PPARGC1A: variants seen among roughly 807,000 people sequenced by gnomAD.
The protein encoded by PPARGC1A is PPARG coactivator 1 alpha, also known as peroxisome proliferator-activated receptor gamma coactivator 1-alpha.
In PPARGC1A, 25 loss-of-function variants were observed where a neutral mutation model predicts 88.7. That is an observed-to-expected ratio of 0.28 (90% CI 0.21 to 0.39). The LOEUF (loss-of-function observed/expected upper bound fraction) is 0.39, where lower values mean the gene tolerates loss of function less well. PPARGC1A is among the 10% of genes least tolerant of loss of function. PPARGC1A has a pLI of 1.00. For missense variants in PPARGC1A, 880 were observed against 968.7 expected (o/e 0.91, Z 1.22); for synonymous variants, 363 against 355.6 (o/e 1.02, Z -0.24).
At chr4:24,140,113 G>A in the PPARGC1A span, among the ~76,000 whole-genome samples, 280 of 152,268 alleles carry the variant, frequency 1.8e-3, 2 homozygotes, top group African/African-American at 6.6e-3. Context: ...ACCCGCCTTT[G>A]ATGTCTGCTT....
chr4:23,942,091 A>C, the PPARGC1A span, among the ~76,000 whole-genome samples: 2 of 152,150 alleles, frequency 1.3e-5, no homozygotes, highest in Admixed American at 1.3e-4. Flanking sequence ...AAAAAGAAGA[A>C]AGAGAAGAAT....
upstream of PPARGC1A, among the ~76,000 whole-genome samples, chr4:23,893,376 A>G (rs948522451): frequency 6.6e-6 from 1 of 152,190 alleles, no homozygotes; most frequent in Non-Finnish European, 1.5e-5. Flanking sequence ...AGAGAATAGC[A>G]AAAACAATTG....
chr4:23,848,929 G>A (rs750774045), intron 2 of PPARGC1A, among the ~76,000 whole-genome samples: 7 of 152,058 alleles, frequency 4.6e-5, no homozygotes, highest in Non-Finnish European at 7.4e-5. Context: ...AGATCACGAG[G>A]TCAGGAGATC....
At chr4:24,153,532 C>G in the PPARGC1A span, among the ~76,000 whole-genome samples, 2 of 152,054 alleles carry the variant, frequency 1.3e-5, no homozygotes, top group African/African-American at 4.8e-5. Flanking sequence ...GAGACATATG[C>G]CAGTTGACAA....
At chr4:23,798,096 C>T (rs1717967206) in intron 12 of PPARGC1A, among the ~76,000 whole-genome samples, 2 of 151,922 alleles carry the variant, frequency 1.3e-5, no homozygotes, top group South Asian at 4.2e-4. Context: ...CCCCCTTTTT[C>T]CTTTACCTAC....
At chr4:24,069,355 T>C in the PPARGC1A span, among the ~76,000 whole-genome samples, 2 of 152,190 alleles carry the variant, frequency 1.3e-5, no homozygotes, top group Non-Finnish European at 2.9e-5. Flanking sequence ...GAAATAATAA[T>C]TTCCTATGTC....
chr4:23,844,767 AAT>A (rs1553889254), intron 2 of PPARGC1A, among the ~76,000 whole-genome samples: 10 of 113,096 alleles, frequency 8.8e-5, no homozygotes, highest in African/African-American at 2.0e-4. Context: ...ATATTATAAT[AAT>A]ATATGATATA....
the PPARGC1A span, among the ~76,000 whole-genome samples, chr4:24,245,921 A>ATG: frequency 2.5e-5 from 3 of 120,112 alleles, no homozygotes; most frequent in Non-Finnish European, 5.1e-5. Context: ...CCTGAAAGCC[A>ATG]TGTGCACACA....
the PPARGC1A span, among the ~76,000 whole-genome samples, chr4:24,201,154 C>A: frequency 3.9e-5 from 6 of 152,300 alleles, no homozygotes; most frequent in South Asian, 8.3e-4. Context: ...AACTACATCA[C>A]CATAATGCAC....
At chr4:24,377,085 A>AT in the PPARGC1A span, among the ~76,000 whole-genome samples, 2 of 151,524 alleles carry the variant, frequency 1.3e-5, no homozygotes, top group Admixed American at 6.6e-5. Flanking sequence ...AAATTTGTAG[A>AT]TTTTTTTTCA....
intron 1 of PPARGC1A, among the ~76,000 whole-genome samples, chr4:23,895,442 T>G (rs1718437592): frequency 6.6e-6 from 1 of 151,958 alleles, no homozygotes; most frequent in Admixed American, 6.6e-5. Flanking sequence ...TTGCTCTAGC[T>G]AAACTGATAT....
chr4:23,934,130 A>C, the PPARGC1A span, among the ~76,000 whole-genome samples: 2 of 152,214 alleles, frequency 1.3e-5, no homozygotes, highest in African/African-American at 2.4e-5. Flanking sequence ...GTGGGTGGTG[A>C]CATGGGGAAG....
the PPARGC1A span, among the ~76,000 whole-genome samples, chr4:24,291,230 T>C: frequency 6.6e-6 from 1 of 152,318 alleles, no homozygotes; most frequent in South Asian, 2.1e-4. Context: ...TCCAAACCTC[T>C]GGGCCTGACA....
the PPARGC1A span, among the ~76,000 whole-genome samples, chr4:23,923,127 T>C: frequency 6.6e-6 from 1 of 151,838 alleles, no homozygotes; most frequent in African/African-American, 2.4e-5. Context: ...TTTTTTTTTT[T>C]TTTTTTTTTA....
the PPARGC1A span, among the ~76,000 whole-genome samples, chr4:24,272,053 T>C: frequency 6.6e-6 from 1 of 152,166 alleles, no homozygotes; most frequent in Non-Finnish European, 1.5e-5. Flanking sequence ...GGGACTGCAT[T>C]CTTCAAAACG....
At chr4:23,828,786 G>C (rs1324829956) in intron 4 of PPARGC1A, among the ~76,000 whole-genome samples, 182 bp from the exon 5 acceptor site, 3 of 152,084 alleles carry the variant, frequency 2.0e-5, no homozygotes, top group Non-Finnish European at 4.4e-5. Flanking sequence ...ATTCCTAAAT[G>C]ACATTTATGC....
At chr4:24,186,866 T>C in the PPARGC1A span, among the ~76,000 whole-genome samples, 1 of 152,004 alleles carries the variant, frequency 6.6e-6, no homozygotes, top group African/African-American at 2.4e-5. Context: ...TTAAAAAAAC[T>C]GTATACCTCC....
chr4:24,396,186 T>G, the PPARGC1A span, among the ~76,000 whole-genome samples: 1 of 152,118 alleles, frequency 6.6e-6, no homozygotes, highest in African/African-American at 2.4e-5. Flanking sequence ...GCAGGGTGAC[T>G]CAGTGTGCAG....
At chr4:23,975,576 C>T in the PPARGC1A span, among the ~76,000 whole-genome samples, 1 of 152,138 alleles carries the variant, frequency 6.6e-6, no homozygotes, top group Non-Finnish European at 1.5e-5. Flanking sequence ...TGCCACCAAG[C>T]CCAGCTAATT....
Sources: allele counts gnomAD v4.1 joint callset (sites outside exome capture counted in the v4.1 genomes callset), GRCh38; gene constraint gnomAD v4.1.1; transcripts MANE v1.5; gene names NCBI Gene and HGNC (gene_info 2026-07-23, HGNC 2026-07-21).